The following RAB11FIP4 variants were observed in gnomAD, a reference collection of about 807,000 sequenced individuals.
RAB11FIP4 encodes RAB11 family interacting protein 4.
In RAB11FIP4, 23 loss-of-function variants were observed where a neutral mutation model predicts 74.3. The ratio of observed to expected loss-of-function variants is 0.31; its 90% CI spans 0.22 to 0.44. The LOEUF is 0.44. Ranked by LOEUF, RAB11FIP4 falls within the 20% of genes least tolerant of loss-of-function variation. The pLI, the probability that RAB11FIP4 is intolerant of heterozygous loss-of-function variation, is 1.00. For missense variants in RAB11FIP4, 630 were observed against 863.9 expected (o/e 0.73, Z 3.39); for synonymous variants, 360 against 359.9 (o/e 1.00, Z 0.00).
intron 1 of RAB11FIP4, among the ~76,000 whole-genome samples, chr17:31,410,737 T>A (rs1165511406): frequency 1.3e-5 from 2 of 152,098 alleles, no homozygotes; most frequent in Admixed American, 6.5e-5. Context: ...GCTGGGAATA[T>A]TCCCACTGCC....
At chr17:31,505,067 G>A (rs1841312288) in intron 3 of RAB11FIP4, among the ~76,000 whole-genome samples, 1 of 152,098 alleles carries the variant, frequency 6.6e-6, no homozygotes, top group Non-Finnish European at 1.5e-5. Context: ...CACTATAGGT[G>A]ATGCTGTGTA....
At chr17:31,469,137 G>A (rs913263978) in intron 3 of RAB11FIP4, among the ~76,000 whole-genome samples, 1 of 152,150 alleles carries the variant, frequency 6.6e-6, no homozygotes. Flanking sequence ...AACATCAAAC[G>A]TGGTGTGGGC....
At chr17:31,456,375 G>T (rs908065877) in intron 3 of RAB11FIP4, among the ~76,000 whole-genome samples, 1 of 152,084 alleles carries the variant, frequency 6.6e-6, no homozygotes, top group South Asian at 2.1e-4. Context: ...CTCAGTTAAC[G>T]TTTGTATTTT....
intron 1 of RAB11FIP4, among the ~76,000 whole-genome samples, chr17:31,423,095 A>G (rs1035851460): frequency 1.3e-5 from 2 of 151,610 alleles, no homozygotes; most frequent in African/African-American, 4.9e-5. Context: ...AATTTTTTGC[A>G]TTTTTAGTAG....
At chr17:31,504,777 G>C (rs185034486) in intron 3 of RAB11FIP4, among the ~76,000 whole-genome samples, 13 of 152,136 alleles carry the variant, frequency 8.5e-5, no homozygotes, top group African/African-American at 3.1e-4. Context: ...TACAGCTGGT[G>C]GTGGTTTGTT....
chr17:31,525,929 C>T (rs1399822322), intron 10 of RAB11FIP4: 1 of 152,238 alleles, frequency 6.6e-6, no homozygotes, highest in African/African-American at 2.4e-5. Context: ...CCTGAGGCCC[C>T]AGTCTCCATG....
At chr17:31,436,454 G>A (rs1395081783) in intron 3 of RAB11FIP4, among the ~76,000 whole-genome samples, 2 of 152,098 alleles carry the variant, frequency 1.3e-5, no homozygotes, top group Non-Finnish European at 2.9e-5. Context: ...GGGAGTTGGG[G>A]TAGGGGTGAC....
chr17:31,476,608 C>T (rs2071795763), intron 3 of RAB11FIP4, among the ~76,000 whole-genome samples: 1 of 152,220 alleles, frequency 6.6e-6, no homozygotes, highest in Non-Finnish European at 1.5e-5. Flanking sequence ...GGGGGCTTCA[C>T]CCCATGAATG....
intron 3 of RAB11FIP4, among the ~76,000 whole-genome samples, chr17:31,514,315 T>C (rs968306258): frequency 6.6e-6 from 1 of 152,350 alleles, no homozygotes; most frequent in Admixed American, 6.5e-5. Context: ...ACTCGGCCTC[T>C]GTGTCCTCGT....
chr17:31,409,559 T>G (rs1597901403), intron 1 of RAB11FIP4, among the ~76,000 whole-genome samples: 1 of 152,086 alleles, frequency 6.6e-6, no homozygotes, highest in Non-Finnish European at 1.5e-5. Flanking sequence ...ATTGCAACGT[T>G]GGGTAGAAAG....
chr17:31,517,474 G>A (rs964823272), intron 3 of RAB11FIP4, among the ~76,000 whole-genome samples, 177 bp from the exon 4 acceptor site: 1 of 152,100 alleles, frequency 6.6e-6, no homozygotes, highest in Non-Finnish European at 1.5e-5. Context: ...CAGCCAGTAT[G>A]AGAGGTCCCT....
intron 3 of RAB11FIP4, among the ~76,000 whole-genome samples, chr17:31,446,820 G>C (rs1351467408): frequency 6.6e-6 from 1 of 152,138 alleles, no homozygotes; most frequent in African/African-American, 2.4e-5. Flanking sequence ...GGAAGAATTG[G>C]AGAAAACATT....
At position 31,406,233 on chromosome 17, in the gene RAB11FIP4, C is replaced by T. The variant is rs533979567; in HGVS notation, c.159+14222C>T. Among the ~76,000 whole-genome samples, 27 of 152,368 alleles carry T rather than the reference C, an allele frequency of 1.8e-4. 1 individual carries two copies. The highest frequency in any genetic ancestry group is 1.1e-3 in the Admixed American group (17 of 15,312). ...CCTGGGTACCCTGAGCTGAGCTGCA[C>T]CTCCCTCAGTACCACTGACTGTCCC... On this transcript the variant is annotated intron_variant, in intron 1 of 14. Transcript: ENST00000621161.
intron 1 of RAB11FIP4, among the ~76,000 whole-genome samples, chr17:31,416,429 C>T (rs2071148932): frequency 6.6e-6 from 1 of 152,202 alleles, no homozygotes; most frequent in East Asian, 1.9e-4. Context: ...TCCCTCATCC[C>T]TTGTCTCAGG....
chr17:31,456,230 C>CT (rs1277673314), intron 3 of RAB11FIP4, among the ~76,000 whole-genome samples: 3 of 152,082 alleles, frequency 2.0e-5, no homozygotes, highest in African/African-American at 4.8e-5. Flanking sequence ...CCAATATATT[C>CT]TTTTTTTGAG....
At position 31,503,877 on chromosome 17, in the gene RAB11FIP4, C is replaced by A. The variant is rs566552100; in HGVS notation, c.337-13774C>A. On this transcript the variant is annotated intron_variant, in intron 3 of 14. Transcript: ENST00000621161. ...GTCAGGAAAAAGCGAATAAACCGATCAAAAAATCAGCAAAAGATCCGAATA... is the reference window on the plus strand; with the variant it reads ...GTCAGGAAAAAGCGAATAAACCGATAAAAAAATCAGCAAAAGATCCGAATA... Among the ~76,000 whole-genome samples the A allele has an allele frequency of 6.7e-5, 10 of 149,418 alleles. No homozygotes were observed. In the East Asian group the frequency reaches 1.5e-3, roughly 23 times the overall value.
chr17:31,523,743 G>A, intron 8 of RAB11FIP4, 132 bp downstream of exon 8: 7 of 1,056,604 alleles, frequency 6.6e-6, no homozygotes, highest in Non-Finnish European at 1.0e-5. Context: ...GGTGGCCCTG[G>A]TCACGTGTTC....
At chr17:31,524,989 C>A in intron 9 of RAB11FIP4, 101 bp from the exon 10 acceptor site, 1 of 1,423,498 alleles carries the variant, frequency 7.0e-7, no homozygotes, top group Non-Finnish European at 9.7e-7. Context: ...GTGGACATGC[C>A]AGTGACTCAG....
Position 31,391,726 on chromosome 17 carries a change from C to A in RAB11FIP4, c.-127C>A, listed in dbSNP as rs2070872544. 2 of 708,284 alleles carry A rather than the reference C, an allele frequency of 2.8e-6. No individual in the cohort carries two copies. The highest frequency in any genetic ancestry group is 3.5e-6 in the Non-Finnish European group (2 of 577,954). The allele number at this position is 708,284 out of a possible 1,614,324, so 43.9% of individuals were successfully genotyped here. On this transcript the variant is annotated 5_prime_UTR_variant, in exon 1 of 15. Coordinates refer to ENST00000621161, the MANE Select transcript of RAB11FIP4 (RefSeq NM_032932.6). ...GCTGACACGGATCGGCCGCGGCCGC[C>A]ACCGGGCGGAGGCTGCGCGGCGCAG...
Sources: allele counts gnomAD v4.1 joint callset (sites outside exome capture counted in the v4.1 genomes callset), GRCh38; gene constraint gnomAD v4.1.1; transcripts MANE v1.5; gene names NCBI Gene and HGNC (gene_info 2026-07-23, HGNC 2026-07-21).